Variants in MAN1A1 observed in about 807,000 individuals in gnomAD.
The protein encoded by MAN1A1 is mannosidase alpha class 1A member 1, also known as mannosyl-oligosaccharide 1,2-alpha-mannosidase IA.
MAN1A1 carries 29 observed loss-of-function variants against 70.8 expected under a neutral mutation model. The observed-to-expected ratio is 0.41, with a 90% CI of 0.31 to 0.56. The LOEUF (loss-of-function observed/expected upper bound fraction) is 0.56, where lower values mean the gene tolerates loss of function less well. Among genes scored for constraint, MAN1A1 ranks in the 20% least tolerant of loss-of-function variants. The pLI is 0.29. For missense variants in MAN1A1, 747 were observed against 841.3 expected, an observed-to-expected ratio of 0.89 and a Z score of 1.39; for synonymous variants, 349 against 330.1, an observed-to-expected ratio of 1.06 and a Z score of -0.62.
chr6:119,206,264 C>T (rs1046491128), intron 6 of MAN1A1, among the ~76,000 whole-genome samples: 1 of 152,184 alleles, frequency 6.6e-6, no homozygotes, highest in African/African-American at 2.4e-5. Flanking sequence ...GGAATTCTTG[C>T]TTTCCTCTCT....
At chr6:119,327,336 G>A (rs920496266) in intron 2 of MAN1A1, 1 of 151,570 alleles carries the variant, frequency 6.6e-6, no homozygotes, top group African/African-American at 2.4e-5. Flanking sequence ...AGATTAGCAC[G>A]GCCCCTCCGC....
chr6:119,344,371 ACAGT>A (rs1562250348), intron 2 of MAN1A1, among the ~76,000 whole-genome samples: 1 of 152,214 alleles, frequency 6.6e-6, no homozygotes, highest in African/African-American at 2.4e-5. Context: ...TTGTATATTA[ACAGT>A]CAGCACCTAC....
At chr6:119,272,606 A>G (rs769557727) in intron 5 of MAN1A1, among the ~76,000 whole-genome samples, 9 of 152,202 alleles carry the variant, frequency 5.9e-5, no homozygotes, top group Non-Finnish European at 1.2e-4. Flanking sequence ...AATAGAGCGT[A>G]TACACTTATC....
chr6:119,217,301 T>C (rs1441936414), intron 6 of MAN1A1, among the ~76,000 whole-genome samples: 5 of 152,188 alleles, frequency 3.3e-5, no homozygotes, highest in African/African-American at 1.2e-4. Flanking sequence ...TTTTGTTTTT[T>C]AAATGGAGTA....
intron 6 of MAN1A1, among the ~76,000 whole-genome samples, chr6:119,241,942 G>GTT (rs1562207168): frequency 1.2e-5 from 1 of 86,520 alleles, no homozygotes; most frequent in African/African-American, 3.7e-5. Flanking sequence ...GTGTGTGTGT[G>GTT]TATGTATGTG....
At chr6:119,274,474 T>C (rs917327573) in intron 5 of MAN1A1, among the ~76,000 whole-genome samples, 5 of 152,186 alleles carry the variant, frequency 3.3e-5, no homozygotes, top group African/African-American at 1.2e-4. Context: ...TGTCTGTTGA[T>C]AAAGCCAAAA....
At chr6:119,337,263 T>TA (rs772352294) in intron 2 of MAN1A1, among the ~76,000 whole-genome samples, 613 of 146,024 alleles carry the variant, frequency 4.2e-3, no homozygotes, top group Non-Finnish European at 6.7e-3. Context: ...CTGACTGTTG[T>TA]AAAAAAAAAA....
At chr6:119,189,228 G>C (rs901215158) in intron 10 of MAN1A1, among the ~76,000 whole-genome samples, 43 of 152,272 alleles carry the variant, frequency 2.8e-4, no homozygotes, top group African/African-American at 1.0e-3. Flanking sequence ...ACAATCCTAA[G>C]TAATTTCGTA....
Position 119,180,320 on chromosome 6 carries a change from C to G in MAN1A1, c.1827G>C (p.Glu609Asp). The G allele has an allele frequency of 1.2e-6, 2 of 1,612,476 alleles. No individual in the cohort carries two copies. The highest frequency in any genetic ancestry group is 1.7e-6 in the Non-Finnish European group (2 of 1,178,772). ...GAATAATTTTCACCTACTTCAATGT[C>G]TCTGCCAGGAAGAAACTCTGCTGCA... Reference protein sequence around the residue: ...DDVQQSFFLAETLKYLYLIFS... With the variant: ...DDVQQSFFLADTLKYLYLIFS... Residue 609 changes from glutamate (E) to aspartate (D), a missense_variant, in exon 12 of 13, where the codon GAG (glutamate) becomes GAC (aspartate). This residue lies in a region of MAN1A1 where 419 missense variants were observed against 548.2 expected (regional missense o/e 0.76). Coordinates refer to ENST00000368468, the MANE Select transcript of MAN1A1 (RefSeq NM_005907.4).
At chr6:119,195,798 CT>C (rs150024969) in intron 8 of MAN1A1, among the ~76,000 whole-genome samples, 1,948 of 152,254 alleles carry the variant, frequency 0.013, 46 homozygotes, top group African/African-American at 0.044. Flanking sequence ...ATGTGATTTT[CT>C]TTTTGCAGAA....
chr6:119,225,250 A>T (rs938967489), intron 6 of MAN1A1, among the ~76,000 whole-genome samples: 1 of 151,826 alleles, frequency 6.6e-6, no homozygotes, highest in African/African-American at 2.4e-5. Flanking sequence ...GAAAAGTATA[A>T]CTGGAGCCAG....
intron 2 of MAN1A1, among the ~76,000 whole-genome samples, chr6:119,334,926 T>A (rs1773413177): frequency 6.6e-6 from 1 of 152,192 alleles, no homozygotes; most frequent in Non-Finnish European, 1.5e-5. Context: ...CATATCTGAG[T>A]GTTGTGTGAC....
intron 5 of MAN1A1, among the ~76,000 whole-genome samples, chr6:119,282,850 A>C (rs943482205): frequency 2.0e-5 from 3 of 152,166 alleles, no homozygotes; most frequent in Non-Finnish European, 2.9e-5. Context: ...ATGTGTCATT[A>C]AGTTTTAGTT....
intron 5 of MAN1A1, among the ~76,000 whole-genome samples, chr6:119,277,218 T>C (rs922530033): frequency 3.3e-5 from 5 of 152,176 alleles, no homozygotes; most frequent in African/African-American, 9.7e-5. Flanking sequence ...CATACTCAGA[T>C]ATATGACCTC....
Position 119,236,526 on chromosome 6 carries a change from G to A in MAN1A1, c.992+11734C>T, listed in dbSNP as rs578220718. On this transcript the variant is annotated intron_variant, in intron 6 of 12. Transcript: ENST00000368468. ...GAACTCCTGACCTCCTGGCCAACAA[G>A]GTGAAACCCCATCTCTATTAAAAAC... Among the ~76,000 whole-genome samples the A allele has an allele frequency of 1.7e-3, 261 of 152,106 alleles. No homozygotes were observed. In the South Asian group the frequency reaches 0.018, roughly 11 times the overall value.
intron 4 of MAN1A1, among the ~76,000 whole-genome samples, chr6:119,291,383 C>A (rs777607210): frequency 5.3e-5 from 8 of 151,930 alleles, no homozygotes; most frequent in Admixed American, 5.3e-4. Context: ...AGTGTGAAAA[C>A]GGACTAATGC....
rs545858279 is a variant in MAN1A1 at position 119,290,024 on chromosome 6, G to T, written c.897+659C>A. 2.6e-4 allele frequency among the ~76,000 whole-genome samples: 40 copies of T among 152,100 alleles called. No homozygotes were observed. The South Asian group carries it at 8.1e-3, about 31-fold the overall frequency. ...TGGACACTCAAACGATATTCATAAA[G>T]TTGTCCAAAACCTTTCAAGAAAATA... On this transcript the variant is annotated intron_variant, in intron 5 of 12. Transcript: ENST00000368468.
intron 5 of MAN1A1, among the ~76,000 whole-genome samples, chr6:119,283,892 T>G (rs1776285854): frequency 6.6e-6 from 1 of 152,094 alleles, no homozygotes; most frequent in African/African-American, 2.4e-5. Flanking sequence ...ACAACTTTCC[T>G]TAGTGCCACA....
rs76954345 is a variant in MAN1A1 at position 119,318,054 on chromosome 6, T to C, written c.604-11062A>G. ...AATTATTATCTGGGCATAACAATAA[T>C]AAAAATGTATAAAAGGACTTTACTT... On this transcript the variant is annotated intron_variant, in intron 2 of 12. Coordinates refer to ENST00000368468, the MANE Select transcript of MAN1A1 (RefSeq NM_005907.4). 5.9e-3 allele frequency among the ~76,000 whole-genome samples: 895 copies of C among 152,246 alleles called. 30 individuals carry two copies. The East Asian group carries it at 0.09, about 15-fold the overall frequency.
Sources: gnomAD v4.1 joint callset for allele counts (sites outside exome capture counted in the v4.1 genomes callset) on GRCh38, gnomAD v4.1.1 for gene constraint, gnomAD v4.1.1 regional missense constraint, MANE v1.5 for transcripts, NCBI Gene and HGNC (gene_info 2026-07-23, HGNC 2026-07-21) for gene names.